TTC27: variants seen among roughly 807,000 people sequenced by gnomAD.
TTC27 encodes the protein tetratricopeptide repeat protein 27.
TTC27 carries 79 observed loss-of-function variants against 115.9 expected under a neutral mutation model. That is an observed-to-expected ratio of 0.68 (90% CI 0.57 to 0.82). TTC27 has a LOEUF of 0.82. Among genes scored for constraint, TTC27 ranks in the 40% least tolerant of loss-of-function variants. The pLI is 0.00. For synonymous variants in TTC27, 401 were observed against 356.0 expected, an observed-to-expected ratio of 1.13 and a Z score of -1.42; for missense variants, 1,054 against 993.1, an observed-to-expected ratio of 1.06 and a Z score of -0.82.
chr2:32,728,286 C>T (rs563024206), intron 10 of TTC27, among the ~76,000 whole-genome samples: 24 of 152,206 alleles, frequency 1.6e-4, no homozygotes, highest in African/African-American at 3.6e-4. Context: ...TGTGATCCGC[C>T]GGCCTCGGCC....
In TTC27 at chr2:32,804,195, A is replaced by G. The variant is rs1671055793; in HGVS notation, c.1999-6829A>G. On this transcript the variant is annotated intron_variant, in intron 16 of 19. Coordinates refer to ENST00000317907, the MANE Select transcript of TTC27 (RefSeq NM_017735.5). ...AATATCAAAGATTAAAAAATTTTAT[A>G]TACTCAGTGCTGGTAATATGCAATT... Among the ~76,000 whole-genome samples, 4 of 152,184 alleles carry G rather than the reference A, an allele frequency of 2.6e-5. No homozygotes were observed. The South Asian group carries it at 8.3e-4, about 32-fold the overall frequency.
intron 15 of TTC27, 62 bp from the exon 16 acceptor site, chr2:32,786,922 A>T: frequency 7.3e-7 from 1 of 1,372,094 alleles, no homozygotes; most frequent in Non-Finnish European, 1.0e-6. Flanking sequence ...ACATTTAGCT[A>T]TGCTTTATTC....
chr2:32,669,899 A>AG (rs1443727446), intron 7 of TTC27, among the ~76,000 whole-genome samples: 3 of 151,484 alleles, frequency 2.0e-5, no homozygotes, highest in African/African-American at 7.2e-5. Context: ...AAAAAAAAAA[A>AG]AAGAAAAGAA....
chr2:32,682,457 T>C (rs1255992718), intron 9 of TTC27, among the ~76,000 whole-genome samples: 1 of 152,128 alleles, frequency 6.6e-6, no homozygotes, highest in Non-Finnish European at 1.5e-5. Context: ...ATTCTTATTT[T>C]CAAGCAGGCT....
chr2:32,724,976 C>A (rs1265129740), intron 10 of TTC27, among the ~76,000 whole-genome samples: 1 of 152,164 alleles, frequency 6.6e-6, no homozygotes, highest in Non-Finnish European at 1.5e-5. Flanking sequence ...TGGCAGCAGA[C>A]AAAGAGAGAG....
chr2:32,803,938 T>C (rs1407214652), intron 16 of TTC27, among the ~76,000 whole-genome samples: 1 of 151,546 alleles, frequency 6.6e-6, no homozygotes, highest in Non-Finnish European at 1.5e-5. Context: ...ACTCTGGCAT[T>C]GGAGGTTGCA....
intron 12 of TTC27, among the ~76,000 whole-genome samples, chr2:32,757,842 C>T (rs1558328123): frequency 6.6e-6 from 1 of 152,144 alleles, no homozygotes. Flanking sequence ...GGATTACAGG[C>T]AGGCACCTGC....
intron 7 of TTC27, among the ~76,000 whole-genome samples, chr2:32,670,954 C>A (rs1286946915): frequency 2.9e-5 from 3 of 104,752 alleles, no homozygotes; most frequent in Non-Finnish European, 7.8e-5. Flanking sequence ...TGTTTGTCTT[C>A]TTATTGAGTT....
At chr2:32,653,650 C>T (rs773802864) in intron 5 of TTC27, among the ~76,000 whole-genome samples, 4 of 150,306 alleles carry the variant, frequency 2.7e-5, no homozygotes, top group Non-Finnish European at 4.4e-5. Context: ...TACGTGCGTA[C>T]GTTGATTTCT....
chr2:32,819,415 G>A (rs550140201), intron 19 of TTC27, among the ~76,000 whole-genome samples: 297 of 152,212 alleles, frequency 2.0e-3, no homozygotes, highest in Non-Finnish European at 3.4e-3. Flanking sequence ...CTCTGGTTTC[G>A]TAGATCTTAT....
chr2:32,717,128 C>G (rs576243211), intron 10 of TTC27, among the ~76,000 whole-genome samples: 3 of 151,998 alleles, frequency 2.0e-5, no homozygotes, highest in East Asian at 1.9e-4. Context: ...TTCAGCCCCC[C>G]ACGCCCAACT....
intron 9 of TTC27, among the ~76,000 whole-genome samples, chr2:32,698,255 G>C (rs1249555304): frequency 6.6e-6 from 1 of 151,784 alleles, no homozygotes; most frequent in Non-Finnish European, 1.5e-5. Flanking sequence ...TCAGCCTCCT[G>C]AGTAGTTGGA....
intron 10 of TTC27, among the ~76,000 whole-genome samples, chr2:32,719,214 A>G (rs1005812518): frequency 6.6e-6 from 1 of 152,212 alleles, no homozygotes; most frequent in African/African-American, 2.4e-5. Flanking sequence ...CTGTGCATAG[A>G]GCAGTGAACT....
intron 3 of TTC27, among the ~76,000 whole-genome samples, chr2:32,637,459 G>C (rs1231104292): frequency 6.6e-6 from 1 of 152,036 alleles, no homozygotes; most frequent in Non-Finnish European, 1.5e-5. Flanking sequence ...AGCCTCCTGA[G>C]TAGCTGGGAC....
intron 4 of TTC27, among the ~76,000 whole-genome samples, chr2:32,642,694 C>T (rs2710633): frequency 4.6e-5 from 7 of 152,026 alleles, no homozygotes; most frequent in Admixed American, 3.9e-4. Flanking sequence ...TTAAGACAGG[C>T]TCTGGCCCCG....
chr2:32,654,727 G>C (rs548672807), intron 5 of TTC27, among the ~76,000 whole-genome samples: 1 of 148,258 alleles, frequency 6.7e-6, no homozygotes, highest in Non-Finnish European at 1.5e-5. Context: ...ATGGAGTCTC[G>C]CTCTGTTGCC....
chr2:32,737,042 T>C (rs2151916796), intron 12 of TTC27, among the ~76,000 whole-genome samples: 1 of 152,316 alleles, frequency 6.6e-6, no homozygotes, highest in African/African-American at 2.4e-5. Flanking sequence ...GGATTTTGAT[T>C]TCTTTCCTTT....
intron 19 of TTC27, 69 bp downstream of exon 19, chr2:32,817,626 G>T: frequency 7.6e-7 from 1 of 1,320,678 alleles, no homozygotes; most frequent in Non-Finnish European, 1.1e-6. Context: ...GCTTATTGCT[G>T]TTAAATCTTC....
chr2:32,757,571 A>C (rs1222903617), intron 12 of TTC27, among the ~76,000 whole-genome samples: 1 of 152,218 alleles, frequency 6.6e-6, no homozygotes, highest in Non-Finnish European at 1.5e-5. Context: ...CATTTTTCCA[A>C]CCACATGTGC....
Sources: allele counts gnomAD v4.1 joint callset (sites outside exome capture counted in the v4.1 genomes callset), GRCh38; gene constraint gnomAD v4.1.1; transcripts MANE v1.5; gene names NCBI Gene and HGNC (gene_info 2026-07-23, HGNC 2026-07-21).